HYCC1: variants seen among roughly 807,000 people sequenced by gnomAD.
The protein encoded by HYCC1 is hyccin PI4KA lipid kinase complex subunit 1, also known as hyccin.
At chr7:22,960,752 T>C in the HYCC1 span, among the ~76,000 whole-genome samples, 2 of 152,184 alleles carry the variant, frequency 1.3e-5, no homozygotes, top group African/African-American at 2.4e-5. Flanking sequence ...GTCAGTCTAA[T>C]AAAAATTTTT....
chr7:22,978,201 A>G, the HYCC1 span: 1 of 1,388,578 alleles, frequency 7.2e-7, no homozygotes, highest in Non-Finnish European at 1.0e-6. Context: ...TTAAAATGAA[A>G]AGCAGTTGCA....
chr7:22,954,392 G>A, the HYCC1 span, among the ~76,000 whole-genome samples: 1 of 150,934 alleles, frequency 6.6e-6, no homozygotes, highest in African/African-American at 2.4e-5. Flanking sequence ...GATATGAATT[G>A]CAATCTTTTA....
the HYCC1 span, among the ~76,000 whole-genome samples, chr7:22,997,441 C>CAAA: frequency 1.3e-5 from 2 of 152,124 alleles, no homozygotes; most frequent in African/African-American, 4.8e-5. Context: ...GATTGTGACA[C>CAAA]ATCACGAAAT....
At chr7:22,924,445 G>A in the HYCC1 span, among the ~76,000 whole-genome samples, 807 of 152,310 alleles carry the variant, frequency 5.3e-3, 7 homozygotes, top group Admixed American at 8.5e-3. Context: ...AAAGAAAGGG[G>A]TGACAGACGG....
At chr7:22,965,895 A>T in the HYCC1 span, among the ~76,000 whole-genome samples, 1 of 152,192 alleles carries the variant, frequency 6.6e-6, no homozygotes, top group Non-Finnish European at 1.5e-5. Context: ...CTGAGATTAC[A>T]GGTATCACAC....
the HYCC1 span, among the ~76,000 whole-genome samples, chr7:22,926,965 G>C: frequency 6.6e-6 from 1 of 152,088 alleles, no homozygotes; most frequent in Non-Finnish European, 1.5e-5. Flanking sequence ...TAAAAGAACA[G>C]AAATTATAAC....
At chr7:22,904,546 A>G in the HYCC1 span, among the ~76,000 whole-genome samples, 13 of 152,212 alleles carry the variant, frequency 8.5e-5, no homozygotes, top group Non-Finnish European at 1.5e-4. Flanking sequence ...TTTCAACAGA[A>G]TAAAGGTATA....
At chr7:22,902,774 G>A in the HYCC1 span, among the ~76,000 whole-genome samples, 1 of 152,034 alleles carries the variant, frequency 6.6e-6, no homozygotes, top group Non-Finnish European at 1.5e-5. Flanking sequence ...AAGGCAAACT[G>A]TATAATAGAC....
the HYCC1 span, among the ~76,000 whole-genome samples, chr7:22,992,109 C>T: frequency 2.0e-5 from 3 of 150,522 alleles, no homozygotes; most frequent in Non-Finnish European, 3.0e-5. Context: ...TTCCTGGCAA[C>T]AAACTATTAT....
At chr7:22,934,234 T>TTTTTTTTTTTTC in the HYCC1 span, 16 of 122,474 alleles carry the variant, frequency 1.3e-4, 1 homozygote, top group African/African-American at 2.0e-4. Context: ...TTTTTTTTTT[T>TTTTTTTTTTTTC]CCCTCTCTGA....
the HYCC1 span, chr7:22,935,370 G>C: frequency 6.6e-6 from 1 of 152,152 alleles, no homozygotes; most frequent in Non-Finnish European, 1.5e-5. Flanking sequence ...TTCAGGAATT[G>C]GGATGGTTTG....
chr7:22,919,822 G>A, the HYCC1 span, among the ~76,000 whole-genome samples: 1 of 151,944 alleles, frequency 6.6e-6, no homozygotes, highest in East Asian at 1.9e-4. Context: ...AAACTTTTAA[G>A]TGCACCAACA....
chr7:22,995,199 C>T, the HYCC1 span, among the ~76,000 whole-genome samples: 1 of 152,090 alleles, frequency 6.6e-6, no homozygotes, highest in Non-Finnish European at 1.5e-5. Flanking sequence ...CTTCAACCAT[C>T]CACCCAAAGC....
At chr7:22,945,409 C>A in the HYCC1 span, 3 of 603,092 alleles carry the variant, frequency 5.0e-6, no homozygotes, top group South Asian at 6.2e-5. Context: ...AATAACAAAA[C>A]CATATTTCAA....
At chr7:22,919,913 G>A in the HYCC1 span, among the ~76,000 whole-genome samples, 17 of 152,282 alleles carry the variant, frequency 1.1e-4, no homozygotes, top group African/African-American at 3.6e-4. Context: ...AGCATAAAAT[G>A]TTTAAATATG....
chr7:23,006,783 G>GC, the HYCC1 span, among the ~76,000 whole-genome samples: 3 of 152,096 alleles, frequency 2.0e-5, no homozygotes, highest in Non-Finnish European at 4.4e-5. Flanking sequence ...ACTATGAAAA[G>GC]ACTCTTTGTT....
At chr7:22,919,655 C>T in the HYCC1 span, among the ~76,000 whole-genome samples, 3 of 148,380 alleles carry the variant, frequency 2.0e-5, no homozygotes, top group African/African-American at 7.4e-5. Context: ...AGTAGAATAA[C>T]TGAAATGAAA....
At chr7:22,912,141 A>G in the HYCC1 span, among the ~76,000 whole-genome samples, 1 of 152,262 alleles carries the variant, frequency 6.6e-6, no homozygotes, top group Non-Finnish European at 1.5e-5. Context: ...TTTTAAAACA[A>G]CTATTTAAAG....
chr7:22,976,770 T>G, the HYCC1 span: 25 of 1,613,462 alleles, frequency 1.5e-5, no homozygotes, highest in Non-Finnish European at 2.1e-5. Context: ...GCTGGGATAG[T>G]GCACTCTCAG....
Sources: gnomAD v4.1 joint callset for allele counts (sites outside exome capture counted in the v4.1 genomes callset) on GRCh38, gnomAD v4.1.1 for gene constraint, MANE v1.5 for transcripts, NCBI Gene and HGNC (gene_info 2026-07-23, HGNC 2026-07-21) for gene names.